ARID4A: variants seen among roughly 807,000 people sequenced by gnomAD.
The protein encoded by ARID4A is AT-rich interaction domain 4A, also known as AT-rich interactive domain-containing protein 4A.
ARID4A carries 39 observed loss-of-function variants against 148.6 expected under a neutral mutation model. That is an observed-to-expected ratio of 0.26 (90% CI 0.20 to 0.34). The LOEUF is 0.34. Among genes scored for constraint, ARID4A ranks in the 10% least tolerant of loss-of-function variants. ARID4A has a pLI of 1.00. For missense variants in ARID4A, 1,265 were observed against 1,449.1 expected, an observed-to-expected ratio of 0.87 and a Z score of 2.06; for synonymous variants, 475 against 481.2, an observed-to-expected ratio of 0.99 and a Z score of 0.17.
chr14:58,329,443 T>C (rs1039527842), intron 9 of ARID4A, 85 bp from the exon 10 acceptor site: 21 of 895,720 alleles, frequency 2.3e-5, no homozygotes, highest in Non-Finnish European at 3.5e-5. Context: ...TTGAGGTTTT[T>C]ATTTTTCTAT....
At chr14:58,338,547 C>G (rs1423493379) in intron 11 of ARID4A, among the ~76,000 whole-genome samples, 1 of 151,814 alleles carries the variant, frequency 6.6e-6, no homozygotes, top group East Asian at 1.9e-4. Context: ...TCAAACTGAG[C>G]CTCATTTTTG....
In ARID4A at chr14:58,351,197, C is replaced by T; in HGVS notation, c.1529C>T (p.Ala510Val). Residue 510 changes from alanine (A) to valine (V), a missense_variant, in exon 16 of 24, where the codon GCA (alanine) becomes GTA (valine). Around this residue, in one of 9 missense-constraint regions of ARID4A, gnomAD observed 205 missense variants for 196.9 expected, o/e 1.04. Transcript: ENST00000355431. The stretch of plus-strand genomic sequence containing the variant: ...GATGTAGATGATGACTATGAAACTG[C>T]AGAGAAAAAAGAAAATGAGCTACTA... The part of the protein sequence containing the change: ...NKDVDDDYET[A>V]EKKENELLLG... 1 of 1,611,796 alleles carries T rather than the reference C, an allele frequency of 6.2e-7. No individual in the cohort carries two copies. Among genetic ancestry groups the T allele is most frequent in the Non-Finnish European group, 8.5e-7 (1 of 1,179,404 alleles).
intron 7 of ARID4A, among the ~76,000 whole-genome samples, chr14:58,322,098 G>A (rs754155421): frequency 6.6e-6 from 1 of 151,846 alleles, no homozygotes; most frequent in African/African-American, 2.4e-5. Context: ...AGCCTCTCGA[G>A]TAGCCAGGAC....
At chr14:58,319,521 CTTTTTTTTTTTTTTTTTTTTTTTTTTT>C (rs71107934) in intron 7 of ARID4A, among the ~76,000 whole-genome samples, 3,880 of 62,236 alleles carry the variant, frequency 0.062, 240 homozygotes, top group South Asian at 0.25. Flanking sequence ...TCTATATACT[CTTTTTTTTTTTTTTTTTTTTTTTTTTT>C]TTTTTTTTTT....
In ARID4A at chr14:58,372,045, C is replaced by A; in HGVS notation, c.*56C>A. On this transcript the variant is annotated 3_prime_UTR_variant, in exon 24 of 24. Coordinates refer to ENST00000355431, the MANE Select transcript of ARID4A (RefSeq NM_002892.4). ...GCTGCCATGGACATAAATCCCCAAACCCTGAATTACAACCACAGAAAGCAC... is the reference window on the plus strand; with the variant it reads ...GCTGCCATGGACATAAATCCCCAAAACCTGAATTACAACCACAGAAAGCAC... The A allele has an allele frequency of 8.1e-7, 1 of 1,234,074 alleles. No homozygotes were observed. Among genetic ancestry groups the A allele is most frequent in the Non-Finnish European group, 1.2e-6 (1 of 844,564 alleles). 76.4% of individuals were successfully genotyped at this position (1,234,074 alleles called of 1,614,324 possible).
At position 58,317,732 on chromosome 14, in the gene ARID4A, A is replaced by T. The variant is rs191486550; in HGVS notation, c.275-810A>T. ...GTTGAGCCTTGGTTTTTCGCGGCTCAAGCAATCGTTCCACCATGGCCTCTC... is the reference window on the plus strand; with the variant it reads ...GTTGAGCCTTGGTTTTTCGCGGCTCTAGCAATCGTTCCACCATGGCCTCTC... On this transcript the variant is annotated intron_variant, in intron 5 of 23. Transcript: ENST00000355431. 3.4e-3 allele frequency among the ~76,000 whole-genome samples: 459 copies of T among 135,224 alleles called. 2 individuals are homozygous for T. Among genetic ancestry groups the T allele is most frequent in the African/African-American group, 0.013 (439 of 34,966 alleles). 88.7% of individuals were successfully genotyped at this position (135,224 alleles called of 152,430 possible).
chr14:58,366,871 C>A lies in ARID4A; in HGVS notation c.3524-12C>A. The stretch of plus-strand genomic sequence containing the variant: ...TTTTAAAATCCAAATTAACTTCTTT[C>A]CCCCCTTTTAGATGAATTAGATAAT... On this transcript the variant is annotated splice_polypyrimidine_tract_variant and intron_variant, in intron 22 of 23. Transcript: ENST00000355431. The A allele has an allele frequency of 1.3e-6, 2 of 1,484,102 alleles. No homozygotes were observed. The highest frequency in any genetic ancestry group is 1.4e-5 in the South Asian group (1 of 69,544). 91.9% of individuals were successfully genotyped at this position (1,484,102 alleles called of 1,614,324 possible).
chr14:58,314,427 T>TA (rs1344782875), intron 5 of ARID4A, among the ~76,000 whole-genome samples: 1 of 152,172 alleles, frequency 6.6e-6, no homozygotes, highest in East Asian at 1.9e-4. Flanking sequence ...GTTGGTTTTA[T>TA]AAAAAACATA....
intron 11 of ARID4A, among the ~76,000 whole-genome samples, chr14:58,337,246 T>TCATATATATATATATATATA (rs1555361738): frequency 1.2e-5 from 1 of 83,818 alleles, no homozygotes; most frequent in South Asian, 4.0e-4. Context: ...TTCTCTTTAT[T>TCATATATATATATATATATA]TATATATATA....
rs372307195 is a variant in ARID4A at position 58,340,971 on chromosome 14, T to C, written c.907-3724T>C. On this transcript the variant is annotated intron_variant, in intron 11 of 23. Transcript: ENST00000355431. ...TAATGTCTAAACTAAATGGCAGTCATTAGTCGTAAAATTGTGAGTAAGTCA... is the reference window on the plus strand; with the variant it reads ...TAATGTCTAAACTAAATGGCAGTCACTAGTCGTAAAATTGTGAGTAAGTCA... 2.6e-5 allele frequency among the ~76,000 whole-genome samples: 4 copies of C among 152,328 alleles called. 1 individual carries two copies.
At chr14:58,317,048 C>A (rs896761923) in intron 5 of ARID4A, among the ~76,000 whole-genome samples, 1 of 150,148 alleles carries the variant, frequency 6.7e-6, no homozygotes, top group Non-Finnish European at 1.5e-5. Context: ...AAAATATTAG[C>A]CGGGCGTGGT....
At chr14:58,336,546 T>G (rs1181734814) in intron 11 of ARID4A, among the ~76,000 whole-genome samples, 1 of 108,432 alleles carries the variant, frequency 9.2e-6, no homozygotes, top group African/African-American at 3.4e-5. Context: ...TATTTGCTGT[T>G]TCCCTAAGGT....
intron 7 of ARID4A, among the ~76,000 whole-genome samples, chr14:58,320,638 C>T (rs1461594834): frequency 2.7e-5 from 4 of 145,608 alleles, no homozygotes; most frequent in South Asian, 2.1e-4. Flanking sequence ...GACGGAGTCT[C>T]GCTCTGTCAC....
chr14:58,347,801 G>T lies in ARID4A; in HGVS notation c.1327G>T (p.Val443Leu). The change falls in exon 15 of 24, where the codon GTG (valine) becomes TTG (leucine). Residue 443 changes from valine (V) to leucine (L), a missense_variant. By Grantham distance (32) the Val-to-Leu change is conservative (BLOSUM62 1). Coordinates refer to ENST00000355431, the MANE Select transcript of ARID4A (RefSeq NM_002892.4). ...KLDQEMPLTE[V>L]KSEPEENIDS... Reference sequence around the variant, plus strand: ...AGATCAAGAAATGCCTTTAACAGAAGTGAAGAGTGAACCTGAGGAAAATAT... The same window carrying T: ...AGATCAAGAAATGCCTTTAACAGAATTGAAGAGTGAACCTGAGGAAAATAT... The T allele has an allele frequency of 6.2e-7, 1 of 1,613,876 alleles. No homozygotes were observed.
chr14:58,319,521 CTTTTTTTTTTTTTTTTTTTTTT>C (rs71107934), intron 7 of ARID4A, among the ~76,000 whole-genome samples: 69 of 62,092 alleles, frequency 1.1e-3, no homozygotes, highest in African/African-American at 4.1e-3. Flanking sequence ...TCTATATACT[CTTTTTTTTTTTTTTTTTTTTTT>C]TTTTTTTTTT....
intron 9 of ARID4A, 61 bp from the exon 10 acceptor site, chr14:58,329,467 C>T (rs2033398032): frequency 3.6e-6 from 4 of 1,111,746 alleles, no homozygotes; most frequent in Non-Finnish European, 5.4e-6. Context: ...TTAACATGAA[C>T]TATTTAAGTG....
chr14:58,318,443 A>C, intron 5 of ARID4A, 99 bp from the exon 6 acceptor site: 1 of 1,147,826 alleles, frequency 8.7e-7, no homozygotes. Context: ...GTTCTTACAA[A>C]TATTAAGCTC....
At chr14:58,318,223 C>T (rs1033729201) in intron 5 of ARID4A, among the ~76,000 whole-genome samples, 3 of 152,002 alleles carry the variant, frequency 2.0e-5, no homozygotes, top group African/African-American at 7.2e-5. Context: ...GTTCATTCTT[C>T]TAGGATTGCA....
chr14:58,299,482 C>G (rs900041011), intron 1 of ARID4A: 20 of 202,036 alleles, frequency 9.9e-5, no homozygotes, highest in Admixed American at 7.6e-4. Flanking sequence ...TGGGGAAGCC[C>G]GAAGGGAGCT....
Sources: allele counts gnomAD v4.1 joint callset (sites outside exome capture counted in the v4.1 genomes callset), GRCh38; gene constraint gnomAD v4.1.1; regional missense constraint gnomAD v4.1.1; transcripts MANE v1.5; gene names NCBI Gene and HGNC (gene_info 2026-07-23, HGNC 2026-07-21).